AK5: variants seen among roughly 807,000 people sequenced by gnomAD.
AK5 encodes adenylate kinase isoenzyme 5.
A neutral mutation model predicts 69.5 loss-of-function variants in AK5; 27 were observed. That is an observed-to-expected ratio of 0.39 (90% confidence interval 0.29 to 0.54). The LOEUF (loss-of-function observed/expected upper bound fraction) is 0.54, where lower values mean the gene tolerates loss of function less well. AK5 is among the 20% of genes least tolerant of loss of function. The pLI, the probability that AK5 is intolerant of heterozygous loss-of-function variation, is 0.71. For missense variants in AK5, 531 were observed against 700.4 expected (o/e 0.76, Z 2.73); for synonymous variants, 260 against 244.4 (o/e 1.06, Z -0.60).
chr1:77,367,863 T>TATGTTATATATAATATATATAAC (rs1647021446), intron 6 of AK5, among the ~76,000 whole-genome samples: 1 of 4,506 alleles, frequency 2.2e-4, no homozygotes, highest in African/African-American at 6.3e-4. Context: ...TAATATATAA[T>TATGTTATATATAATATATATAAC]ATATGTGATA....
intron 8 of AK5, among the ~76,000 whole-genome samples, chr1:77,446,998 A>G (rs1238342443): frequency 6.6e-6 from 1 of 152,230 alleles, no homozygotes; most frequent in African/African-American, 2.4e-5. Context: ...TGCAGGAAAC[A>G]CTTGTGCTTG....
intron 13 of AK5, among the ~76,000 whole-genome samples, chr1:77,544,876 G>A (rs2100381135): frequency 6.6e-6 from 1 of 152,264 alleles, no homozygotes; most frequent in Middle Eastern, 3.4e-3. Flanking sequence ...TCATTATCAA[G>A]CATTGCGTAC....
At chr1:77,505,713 A>G (rs577038886) in intron 10 of AK5, among the ~76,000 whole-genome samples, 4 of 151,640 alleles carry the variant, frequency 2.6e-5, no homozygotes, top group African/African-American at 7.3e-5. Flanking sequence ...CTAAAAATAA[A>G]ATAAAGTAAA....
At chr1:77,508,052 T>C (rs962557176) in intron 10 of AK5, among the ~76,000 whole-genome samples, 1 of 152,208 alleles carries the variant, frequency 6.6e-6, no homozygotes, top group African/African-American at 2.4e-5. Flanking sequence ...AAGGAACTGC[T>C]CATTGGAGCA....
At chr1:77,473,670 C>A (rs947135340) in intron 8 of AK5, among the ~76,000 whole-genome samples, 3 of 152,186 alleles carry the variant, frequency 2.0e-5, no homozygotes, top group Admixed American at 2.0e-4. Flanking sequence ...TTCTTATATT[C>A]ATCATTTACA....
intron 3 of AK5, among the ~76,000 whole-genome samples, chr1:77,295,200 A>G (rs1167209): frequency 0.99 from 150,099 of 152,290 alleles, 74,008 homozygotes; most frequent in Middle Eastern, 1. Flanking sequence ...TGTTCTAGCC[A>G]GTTGCATTAA....
intron 10 of AK5, among the ~76,000 whole-genome samples, chr1:77,501,834 A>AT (rs1656739120): frequency 6.6e-6 from 1 of 152,330 alleles, no homozygotes; most frequent in African/African-American, 2.4e-5. Context: ...CTGAACTAAA[A>AT]TATCAGCCCC....
chr1:77,513,787 T>A (rs992622082), intron 10 of AK5, among the ~76,000 whole-genome samples: 2 of 152,142 alleles, frequency 1.3e-5, no homozygotes, highest in Admixed American at 6.5e-5. Flanking sequence ...CTGGTCCTTA[T>A]CTTAAGGAGT....
rs147989124 is a variant in AK5, at chr1:77,537,368, A to G, written c.1620+1330A>G. Reference sequence around the variant, plus strand: ...AGAGGCAAGCAAGGACTAGATCAAGATGGATCATATGTAGGAGCAAATAAT... The same window carrying G: ...AGAGGCAAGCAAGGACTAGATCAAGGTGGATCATATGTAGGAGCAAATAAT... On this transcript the variant is annotated intron_variant, in intron 13 of 13. Coordinates refer to ENST00000354567, the MANE Select transcript of AK5 (RefSeq NM_174858.3). Among the ~76,000 whole-genome samples the G allele has an allele frequency of 1.2e-3, 177 of 152,252 alleles. 1 individual carries two copies. The highest frequency in any genetic ancestry group is 3.6e-3 in the African/African-American group (150 of 41,558).
chr1:77,513,565 C>T lies in AK5; in HGVS notation c.1148-4999C>T, dbSNP rs552448597. On this transcript the variant is annotated intron_variant, in intron 10 of 13. Transcript: ENST00000354567. ...TCAACAAAAGTCATTTTAGGCCAGG[C>T]CCAGTGACTCACACCTGTAATTCCA... Among the ~76,000 whole-genome samples the T allele has an allele frequency of 7.9e-5, 12 of 152,326 alleles. No individual in the cohort carries two copies. The East Asian group carries it at 2.3e-3, about 29-fold the overall frequency.
chr1:77,331,176 G>C (rs1034379953), intron 5 of AK5, among the ~76,000 whole-genome samples: 2 of 151,816 alleles, frequency 1.3e-5, no homozygotes, highest in Non-Finnish European at 2.9e-5. Context: ...AATGGCAATT[G>C]TATTTCTTTC....
At chr1:77,385,261 G>A (rs1284432030) in intron 6 of AK5, among the ~76,000 whole-genome samples, 5 of 152,034 alleles carry the variant, frequency 3.3e-5, no homozygotes, top group African/African-American at 9.7e-5. Flanking sequence ...CCGGGTTCAC[G>A]CCATTCTCCT....
At chr1:77,513,201 A>T (rs1657448505) in intron 10 of AK5, among the ~76,000 whole-genome samples, 1 of 152,150 alleles carries the variant, frequency 6.6e-6, no homozygotes, top group Non-Finnish European at 1.5e-5. Context: ...GCTCAGCCTT[A>T]TGCCATCTTT....
chr1:77,500,344 T>A (rs1439978030), intron 10 of AK5, among the ~76,000 whole-genome samples: 2 of 152,170 alleles, frequency 1.3e-5, no homozygotes, highest in Non-Finnish European at 2.9e-5. Flanking sequence ...TAGTCCACCA[T>A]TAGGTAGCTG....
chr1:77,512,611 C>T (rs1011356479), intron 10 of AK5, among the ~76,000 whole-genome samples: 1 of 152,020 alleles, frequency 6.6e-6, no homozygotes, highest in Non-Finnish European at 1.5e-5. Flanking sequence ...TGTGGTGATT[C>T]CTCAGGGATC....
intron 8 of AK5, among the ~76,000 whole-genome samples, chr1:77,435,315 A>C (rs1651889029): frequency 6.6e-6 from 1 of 152,174 alleles, no homozygotes; most frequent in South Asian, 2.1e-4. Context: ...CTAAATGAAG[A>C]ACATAGCACT....
chr1:77,376,442 AAAAAAAAAC>A lies in AK5; in HGVS notation c.892-34530_892-34522del, dbSNP rs1172998489. Among the ~76,000 whole-genome samples the A allele has an allele frequency of 1.6e-3, 197 of 120,462 alleles. 1 individual carries two copies. Among genetic ancestry groups the A allele is most frequent in the African/African-American group, 5.3e-3 (186 of 34,918 alleles). 79.0% of individuals were successfully genotyped at this position (120,462 alleles called of 152,430 possible). A position where few individuals can be genotyped will look rare whatever the true frequency, so the allele number is the denominator to read the frequency against. On this transcript the variant is annotated intron_variant, in intron 6 of 13. Transcript: ENST00000354567. ...TCAGTGCACTCAATGCCAAAAAAAA[AAAAAAAAAC>A]AAAAAAAAAAAACATGTCTTACTTT...
chr1:77,490,781 T>C (rs1174416638), intron 10 of AK5, among the ~76,000 whole-genome samples: 1 of 150,986 alleles, frequency 6.6e-6, no homozygotes, highest in Non-Finnish European at 1.5e-5. Flanking sequence ...TTTCCTTTTT[T>C]CTTTTTTTTT....
intron 8 of AK5, among the ~76,000 whole-genome samples, chr1:77,425,193 G>A (rs897721596): frequency 6.6e-6 from 1 of 152,172 alleles, no homozygotes; most frequent in Non-Finnish European, 1.5e-5. Context: ...AAAAATGAAG[G>A]AGAAATAGAG....
Sources: gnomAD v4.1 joint callset for allele counts (sites outside exome capture counted in the v4.1 genomes callset) on GRCh38, gnomAD v4.1.1 for gene constraint, MANE v1.5 for transcripts, NCBI Gene and HGNC (gene_info 2026-07-23, HGNC 2026-07-21) for gene names.